TMLHE: variants seen among roughly 807,000 people sequenced by gnomAD.
TMLHE encodes trimethyllysine dioxygenase, mitochondrial.
TMLHE carries 18 observed loss-of-function variants against 25.7 expected under a neutral mutation model. That is an observed-to-expected ratio of 0.70 (90% CI 0.48 to 1.04). The LOEUF is 1.04. TMLHE is among the 50% of genes least tolerant of loss of function. The pLI is 0.00. For missense variants in TMLHE, 236 were observed against 259.0 expected (o/e 0.91, Z 0.61); for synonymous variants, 105 against 97.0 (o/e 1.08, Z -0.49).
intron 6 of TMLHE, among the ~76,000 whole-genome samples, chrX:155,505,013 A>G (rs1241965799): frequency 1.8e-5 from 2 of 111,914 alleles, no homozygotes; most frequent in African/African-American, 6.5e-5. Flanking sequence ...ACATCATTGC[A>G]TATACATTGT....
intron 3 of TMLHE, among the ~76,000 whole-genome samples, chrX:155,516,287 G>C (rs12836840): frequency 0.48 from 3,581 of 7,420 alleles, 1,055 homozygotes; most frequent in Middle Eastern, 0.63. Flanking sequence ...TTGTTCTTGC[G>C]ATAGTTTACT....
chrX:155,512,299 C>G (rs782623878), intron 4 of TMLHE, among the ~76,000 whole-genome samples: 19 of 105,797 alleles, frequency 1.8e-4, no homozygotes, highest in African/African-American at 5.7e-4. Context: ...GTATATCTCC[C>G]AATGCTATCC....
chrX:155,609,478 A>C (rs781849980), intron 1 of TMLHE, among the ~76,000 whole-genome samples: 1 of 111,372 alleles, frequency 9.0e-6, no homozygotes, highest in Non-Finnish European at 1.9e-5. Flanking sequence ...TGTACGCCAC[A>C]CCCCTGTGAC....
Position 155,599,085 on chromosome X carries a change from G to A in TMLHE, c.-2+13707C>T, listed in dbSNP as rs184563058. Among the ~76,000 whole-genome samples the A allele has an allele frequency of 1.1e-3, 123 of 111,437 alleles. No individual in the cohort carries two copies. The South Asian group carries it at 0.012, about 11-fold the overall frequency. Reference sequence around the variant, plus strand: ...ATAATATGTATAACATAAAAAGTATGTGTTAATTGACTGTTTATGTTATCA... The same window carrying A: ...ATAATATGTATAACATAAAAAGTATATGTTAATTGACTGTTTATGTTATCA... On this transcript the variant is annotated intron_variant, in intron 1 of 7. Coordinates refer to ENST00000334398, the MANE Select transcript of TMLHE (RefSeq NM_018196.4).
intron 4 of TMLHE, among the ~76,000 whole-genome samples, chrX:155,512,317 C>G (rs1309488663): frequency 1.0e-5 from 1 of 99,397 alleles, no homozygotes; most frequent in African/African-American, 4.0e-5. Flanking sequence ...TCCCTCCCCC[C>G]TTCCCCCCAC....
intron 2 of TMLHE, among the ~76,000 whole-genome samples, chrX:155,534,519 C>T (rs782136431): frequency 8.9e-6 from 1 of 111,811 alleles, no homozygotes; most frequent in East Asian, 2.8e-4. Context: ...CAGACATGAG[C>T]CACCTGGCAC....
At chrX:155,548,495 G>C (rs1213058782) in intron 1 of TMLHE, among the ~76,000 whole-genome samples, 1 of 108,295 alleles carries the variant, frequency 9.2e-6, no homozygotes, top group Non-Finnish European at 1.9e-5. Flanking sequence ...CAGCACTTTG[G>C]GAGGTCAAGG....
intron 1 of TMLHE, among the ~76,000 whole-genome samples, chrX:155,596,490 T>A (rs782253515): frequency 9.0e-6 from 1 of 111,058 alleles, no homozygotes; most frequent in East Asian, 2.8e-4. Context: ...CACCCAGTAC[T>A]CTATAGAAAG....
At chrX:155,602,580 A>C (rs1425443577) in intron 1 of TMLHE, among the ~76,000 whole-genome samples, 1 of 111,311 alleles carries the variant, frequency 9.0e-6, no homozygotes, top group Non-Finnish European at 1.9e-5. Context: ...AACAAGTAAA[A>C]GGTATCCAGG....
intron 1 of TMLHE, among the ~76,000 whole-genome samples, chrX:155,545,483 T>C (rs1046950245): frequency 3.7e-4 from 42 of 112,331 alleles, no homozygotes; most frequent in African/African-American, 1.3e-3. Flanking sequence ...TCTTATTTTA[T>C]GTCATACAAT....
intron 4 of TMLHE, among the ~76,000 whole-genome samples, chrX:155,512,798 A>G (rs180924997): frequency 1.8e-5 from 2 of 111,818 alleles, no homozygotes; most frequent in Non-Finnish European, 3.8e-5. Flanking sequence ...AGAGAAAAGG[A>G]TAGTTTGTGT....
intron 1 of TMLHE, among the ~76,000 whole-genome samples, chrX:155,598,323 C>G (rs2067735063): frequency 9.1e-6 from 1 of 110,057 alleles, no homozygotes; most frequent in African/African-American, 3.3e-5. Context: ...CAATGACAGA[C>G]TGGATTAAGA....
In TMLHE at chrX:155,605,825, G is replaced by A. The variant is rs782588477; in HGVS notation, c.-2+6967C>T. ...CAAATTGGATAAAGAAGCAAGACCC[G>A]GTGGTATGCTGTCTTCAAGAGTCCC... On this transcript the variant is annotated intron_variant, in intron 1 of 7. Coordinates refer to ENST00000334398, the MANE Select transcript of TMLHE (RefSeq NM_018196.4). Among the ~76,000 whole-genome samples the A allele has an allele frequency of 4.5e-5, 5 of 111,551 alleles. No homozygotes were observed. The East Asian group carries it at 8.4e-4, about 19-fold the overall frequency.
chrX:155,558,618 A>G (rs1222709114), intron 1 of TMLHE, among the ~76,000 whole-genome samples: 2 of 111,592 alleles, frequency 1.8e-5, no homozygotes, highest in African/African-American at 6.5e-5. Context: ...CTTAATCTTA[A>G]TGTCTGCTTA....
In TMLHE at chrX:155,539,118, T is replaced by C. The variant is rs1254020468; in HGVS notation, c.181+5978A>G. ...ACCAGAGACTCTTCTCCCAGCTTGG[T>C]GCATTGTAACTGAGAGGAAACCCCT... On this transcript the variant is annotated intron_variant, in intron 2 of 7. Coordinates refer to ENST00000334398, the MANE Select transcript of TMLHE (RefSeq NM_018196.4). Among the ~76,000 whole-genome samples the C allele has an allele frequency of 2.7e-5, 3 of 111,502 alleles. No individual in the cohort carries two copies. The Admixed American group carries it at 2.9e-4, about 11-fold the overall frequency.
chrX:155,510,873 A>G (rs1199291642), intron 5 of TMLHE, among the ~76,000 whole-genome samples: 2 of 105,099 alleles, frequency 1.9e-5, no homozygotes, highest in African/African-American at 3.4e-5. Context: ...CCAACAGTGT[A>G]AAAGTGTTCC....
intron 4 of TMLHE, among the ~76,000 whole-genome samples, chrX:155,512,055 G>T (rs1169916929): frequency 9.0e-6 from 1 of 111,326 alleles, no homozygotes; most frequent in Non-Finnish European, 1.9e-5. Flanking sequence ...ATCCCACTCT[G>T]ATTATGTGCC....
chrX:155,552,097 G>C (rs1160597773), intron 1 of TMLHE, among the ~76,000 whole-genome samples: 3 of 109,397 alleles, frequency 2.7e-5, no homozygotes, highest in African/African-American at 6.8e-5. Flanking sequence ...AACTACAATA[G>C]GGTATATTAT....
chrX:155,563,528 G>C (rs1557341982), intron 1 of TMLHE, among the ~76,000 whole-genome samples: 1 of 62,186 alleles, frequency 1.6e-5, no homozygotes, highest in African/African-American at 3.6e-5. Flanking sequence ...ATAACCCAAG[G>C]TATTTGGACT....
Sources: allele counts gnomAD v4.1 joint callset (sites outside exome capture counted in the v4.1 genomes callset), GRCh38; gene constraint gnomAD v4.1.1; transcripts MANE v1.5; gene names NCBI Gene and HGNC (gene_info 2026-07-23, HGNC 2026-07-21).